The following LCP2 variants were observed in gnomAD, a reference collection of about 807,000 sequenced individuals.
LCP2 encodes the protein lymphocyte cytosolic protein 2.
A neutral mutation model predicts 74.5 loss-of-function variants in LCP2; 29 were observed. The observed-to-expected ratio is 0.39, with a 90% CI of 0.29 to 0.53. The LOEUF is 0.53. LCP2 is among the 20% of genes least tolerant of loss of function. LCP2 has a pLI of 0.72. For missense variants in LCP2, 604 were observed against 634.6 expected, an observed-to-expected ratio of 0.95 and a Z score of 0.52; for synonymous variants, 228 against 229.5, an observed-to-expected ratio of 0.99 and a Z score of 0.06.
intron 17 of LCP2, 36 bp from the exon 18 acceptor site, chr5:170,253,249 G>C (rs1301466568): frequency 1.4e-6 from 2 of 1,396,828 alleles, no homozygotes; most frequent in Admixed American, 4.1e-5. Context: ...TTAATTTACT[G>C]TAAGCTATTG....
At chr5:170,277,730 C>G (rs888990041) in intron 3 of LCP2, among the ~76,000 whole-genome samples, 2 of 89,548 alleles carry the variant, frequency 2.2e-5, no homozygotes, top group African/African-American at 9.3e-5. Context: ...GGGACAGGAG[C>G]AAAACTTCGT....
chr5:170,293,452 C>T lies in LCP2; in HGVS notation c.79-80G>A. 4 of 1,389,148 alleles carry T rather than the reference C, an allele frequency of 2.9e-6. No individual in the cohort carries two copies. In the Admixed American group the frequency reaches 8.0e-5, roughly 28 times the overall value. The allele number at this position is 1,389,148 out of a possible 1,614,324, so 86.1% of individuals were successfully genotyped here. A position where few individuals can be genotyped will look rare whatever the true frequency, so the allele number is the denominator to read the frequency against. On this transcript the variant is annotated intron_variant, in intron 1 of 20. Coordinates refer to ENST00000046794, the MANE Select transcript of LCP2 (RefSeq NM_005565.5). ...TCCTCTCCCTTGCCTGCCCCAGAAA[C>T]TTAGCACTTTGCGGTACTTGTGGCT... is the stretch of plus-strand genomic sequence containing the variant.
Position 170,289,686 on chromosome 5 carries a change from T to TC in LCP2, c.142-1671_142-1670insG, listed in dbSNP as rs1491519981. On this transcript the variant is annotated intron_variant, in intron 2 of 20. Coordinates refer to ENST00000046794, the MANE Select transcript of LCP2 (RefSeq NM_005565.5). The stretch of plus-strand genomic sequence containing the variant: ...CTTTCTTTCTTTCTCTCTCTCTCTC[T>TC]TTCTTTCTTTCTTTCCTTCTTTCTT... Among the ~76,000 whole-genome samples, 379 of 96,988 alleles carry TC rather than the reference T, an allele frequency of 3.9e-3. 3 individuals carry two copies. Among genetic ancestry groups the TC allele is most frequent in the African/African-American group, 0.011 (328 of 28,798 alleles). 63.6% of individuals were successfully genotyped at this position (96,988 alleles called of 152,430 possible).
intron 17 of LCP2, among the ~76,000 whole-genome samples, chr5:170,254,193 A>G (rs949066578): frequency 2.6e-5 from 4 of 152,202 alleles, no homozygotes; most frequent in African/African-American, 9.7e-5. Flanking sequence ...CTCAGAGGCT[A>G]AGCAAATCAT....
chr5:170,272,209 C>A (rs1405558258), intron 6 of LCP2, among the ~76,000 whole-genome samples: 1 of 152,324 alleles, frequency 6.6e-6, no homozygotes, highest in East Asian at 1.9e-4. Context: ...CCCCATCAAC[C>A]TTTCTCAAAT....
intron 7 of LCP2, among the ~76,000 whole-genome samples, chr5:170,269,840 G>C (rs150001716): frequency 2.4e-4 from 36 of 152,016 alleles, no homozygotes; most frequent in Non-Finnish European, 4.4e-4. Context: ...TTGCTTTTCC[G>C]GACCTCCACT....
Position 170,270,882 on chromosome 5 carries a change from C to G in LCP2, c.360G>C (p.Gln120His), listed in dbSNP as rs1284166696. Residue 120 changes from glutamine to histidine, a missense_variant, in exon 7 of 21, where the codon CAG becomes CAC. Physicochemically the swap from Gln to His is conservative, Grantham distance 24. Transcript: ENST00000046794. The stretch of plus-strand genomic sequence containing the variant: ...CATAGTCTCCATCATCCTCCCCATC[C>G]TGGTCATCATTGGGACTTTCATAAT... ...EDDYESPNDD[Q>H]DGEDDGDYES... 1.2e-6 allele frequency: 2 copies of G among 1,612,916 alleles called. No individual in the cohort carries two copies. Among genetic ancestry groups the G allele is most frequent in the South Asian group, 2.2e-5 (2 of 90,722 alleles).
At chr5:170,270,597 G>T in intron 7 of LCP2, 122 bp downstream of exon 7, 1 of 786,728 alleles carries the variant, frequency 1.3e-6, no homozygotes, top group African/African-American at 1.8e-5. Context: ...AAGAAGCCGA[G>T]CAGATATCGA....
Position 170,248,311 on chromosome 5 carries a change from A to G in LCP2, c.*386T>C, listed in dbSNP as rs1453322541. The G allele has an allele frequency of 1.2e-5, 2 of 164,772 alleles. No individual in the cohort carries two copies. Among genetic ancestry groups the G allele is most frequent in the African/African-American group, 4.8e-5 (2 of 41,528 alleles). The allele number at this position is 164,772 out of a possible 1,614,324, so 10.2% of individuals were successfully genotyped here. The stretch of plus-strand genomic sequence containing the variant: ...ACTGACAGAGGTTTGGCTGTAAAAA[A>G]CAAATCAGTTTTATGTGACACCAAT... On this transcript the variant is annotated 3_prime_UTR_variant, in exon 21 of 21. Coordinates refer to ENST00000046794, the MANE Select transcript of LCP2 (RefSeq NM_005565.5).
At chr5:170,249,845 C>A (rs1288170608) in intron 20 of LCP2, among the ~76,000 whole-genome samples, 1 of 152,206 alleles carries the variant, frequency 6.6e-6, no homozygotes, top group East Asian at 1.9e-4. Context: ...AGGTGCCTCC[C>A]TCCATGGGAG....
At chr5:170,258,613 A>G (rs1262542098) in intron 15 of LCP2, 1 of 422,564 alleles carries the variant, frequency 2.4e-6, no homozygotes, top group Non-Finnish European at 4.2e-6. Context: ...CCATGCATGC[A>G]ATTTTACATT....
rs1554140850 is a variant in LCP2, at chr5:170,277,760, A to AG, written c.189-1901_189-1900insC. ...CTTCGTCTCAAAAAAAAAAAAAAAA[A>AG]AAAGAAAGAAATGGTATCCAAACCT... On this transcript the variant is annotated intron_variant, in intron 3 of 20. Transcript: ENST00000046794. Among the ~76,000 whole-genome samples the AG allele has an allele frequency of 7.4e-4, 101 of 135,832 alleles. 1 individual carries two copies. The highest frequency in any genetic ancestry group is 1.8e-3 in the African/African-American group (65 of 36,536). The allele number at this position is 135,832 out of a possible 152,430, so 89.1% of individuals were successfully genotyped here. A position where few individuals can be genotyped will look rare whatever the true frequency, so the allele number is the denominator to read the frequency against.
At chr5:170,283,165 T>A (rs1001373728) in intron 3 of LCP2, among the ~76,000 whole-genome samples, 3 of 152,138 alleles carry the variant, frequency 2.0e-5, no homozygotes, top group African/African-American at 4.8e-5. Flanking sequence ...GGCTTCACAG[T>A]CTTTCTAGGG....
chr5:170,253,116 T>C lies in LCP2; in HGVS notation c.1245+3A>G. ...AAACAAAAATAAAAACATGCTCTCT[T>C]ACCTCTTCCTCCGCGGGGGATGGGG... On this transcript the variant is annotated splice_donor_region_variant and intron_variant, in intron 18 of 20. Transcript: ENST00000046794. The C allele has an allele frequency of 1.3e-6, 2 of 1,596,956 alleles. No homozygotes were observed. Among genetic ancestry groups the C allele is most frequent in the Non-Finnish European group, 1.7e-6 (2 of 1,167,460 alleles).
At chr5:170,273,920 C>CGGGGT (rs1554140684) in intron 6 of LCP2, 1 of 85,864 alleles carries the variant, frequency 1.2e-5, no homozygotes, top group African/African-American at 3.3e-5. Context: ...TTTTTGGAGA[C>CGGGGT]GGGGGGGTAG....
At chr5:170,284,336 A>T (rs943844924) in intron 3 of LCP2, among the ~76,000 whole-genome samples, 1 of 152,132 alleles carries the variant, frequency 6.6e-6, no homozygotes, top group Non-Finnish European at 1.5e-5. Context: ...TTTCGTCTTC[A>T]TTTTTGAAAG....
At position 170,262,539 on chromosome 5, in the gene LCP2, C is replaced by G. The variant is rs145078456; in HGVS notation, c.926+96G>C. 5.0e-4 allele frequency: 419 copies of G among 843,202 alleles called. 2 individuals carry two copies. The African/African-American group carries it at 6.6e-3, about 13-fold the overall frequency. 52.2% of individuals were successfully genotyped at this position (843,202 alleles called of 1,614,324 possible). On this transcript the variant is annotated intron_variant, in intron 13 of 20. Coordinates refer to ENST00000046794, the MANE Select transcript of LCP2 (RefSeq NM_005565.5). ...AGAAAAGGCCCACCCTGCCCGGGAG[C>G]ACCGAGGAGCCTCGGTTCCCACTGC...
chr5:170,274,362 A>G (rs1414441837), intron 5 of LCP2, 24 bp from the exon 6 acceptor site: 3 of 1,611,152 alleles, frequency 1.9e-6, no homozygotes, highest in Admixed American at 1.7e-5. Flanking sequence ...TGACACCACC[A>G]TCAGCACTGA....
chr5:170,273,453 A>G (rs1039744706), intron 6 of LCP2, among the ~76,000 whole-genome samples: 2 of 152,262 alleles, frequency 1.3e-5, no homozygotes, highest in South Asian at 2.1e-4. Context: ...CAGAATCCCA[A>G]TAGGTCAAGG....
Sources: allele counts gnomAD v4.1 joint callset (sites outside exome capture counted in the v4.1 genomes callset), GRCh38; gene constraint gnomAD v4.1.1; transcripts MANE v1.5; gene names NCBI Gene and HGNC (gene_info 2026-07-23, HGNC 2026-07-21).